TPH1: variants seen among roughly 807,000 people sequenced by gnomAD.
TPH1 encodes the protein tryptophan hydroxylase 1, also known as tryptophan 5-hydroxylase 1.
A neutral mutation model predicts 49.5 loss-of-function variants in TPH1; 37 were observed. The observed-to-expected ratio is 0.75, with a 90% CI of 0.58 to 0.98. The LOEUF is 0.98. TPH1 is among the 50% of genes least tolerant of loss of function. TPH1 has a pLI of 0.00. For synonymous variants in TPH1, 160 were observed against 182.1 expected, an observed-to-expected ratio of 0.88 and a Z score of 0.98; for missense variants, 487 against 523.6, an observed-to-expected ratio of 0.93 and a Z score of 0.68.
At chr11:18,037,235 G>A (rs936382905) in intron 2 of TPH1, among the ~76,000 whole-genome samples, 50 of 152,136 alleles carry the variant, frequency 3.3e-4, no homozygotes, top group African/African-American at 1.1e-3. Flanking sequence ...GCGCACACCA[G>A]TAGTCCCAGC....
intron 7 of TPH1, 42 bp from the exon 8 acceptor site, chr11:18,025,743 A>T (rs769629650): frequency 8.7e-6 from 14 of 1,611,800 alleles, no homozygotes; most frequent in Non-Finnish European, 1.2e-5. Context: ...AGTGCTTAAC[A>T]TACGTTTATA....
At position 18,021,030 on chromosome 11, in the gene TPH1, A is replaced by ATG. The variant is rs1370695188; in HGVS notation, c.1295_1296insCA (p.Asp433MetfsTer23). 1 of 1,614,086 alleles carries ATG rather than the reference A, an allele frequency of 6.2e-7. No homozygotes were observed. Among genetic ancestry groups the ATG allele is most frequent in the Non-Finnish European group, 8.5e-7 (1 of 1,179,980 alleles). On this transcript the variant is annotated frameshift_variant, in exon 11 of 11. Transcript: ENST00000682019. LOFTEE classifies it high-confidence loss of function. Reference sequence around the variant, plus strand: ...TCCTGCTGACCTTAGCAAGGGCATCACTGACAACATCGAGATCATGCTGCA... The same window carrying ATG: ...TCCTGCTGACCTTAGCAAGGGCATCATGCTGACAACATCGAGATCATGCTGCA...
In TPH1 at chr11:18,021,116, A is replaced by G. The variant is rs1854357067; in HGVS notation, c.1210T>C (p.Tyr404His). Reference sequence around the variant, plus strand: ...TTCAGGATCTGAATACTCCGTGTATATGGATTATACTTCACTCCAAATGGA... The same window carrying G: ...TTCAGGATCTGAATACTCCGTGTATGTGGATTATACTTCACTCCAAATGGA... ...KRPFGVKYNP[Y>H]TRSIQILKDT... Residue 404 changes from tyrosine (Y) to histidine (H), a missense_variant, in exon 11 of 11, where the codon TAT becomes CAT. Transcript: ENST00000682019. 2 of 1,613,902 alleles carry G rather than the reference A, an allele frequency of 1.2e-6. No homozygotes were observed. The highest frequency in any genetic ancestry group is 1.1e-5 in the South Asian group (1 of 91,068).
At position 18,036,041 on chromosome 11, in the gene TPH1, C is replaced by A. The variant is rs140658216; in HGVS notation, c.219G>T (p.Leu73Phe). Residue 73 changes from leucine to phenylalanine, a missense_variant, in exon 3 of 11, where the codon TTG (leucine) becomes TTT (phenylalanine). Coordinates refer to ENST00000682019, the MANE Select transcript of TPH1 (RefSeq NM_004179.3). ...ACTTCAGCAGATGAAAAATATCATT[C>A]AATTGTTCTCTGTTGATGTCACAGT... ...FVDCDINREQ[L>F]NDIFHLLKSH... 1.2e-6 allele frequency: 2 copies of A among 1,612,710 alleles called. No homozygotes were observed. Among genetic ancestry groups the A allele is most frequent in the African/African-American group, 2.7e-5 (2 of 74,878 alleles).
intron 8 of TPH1, 54 bp from the exon 9 acceptor site, chr11:18,024,037 A>G: frequency 7.2e-7 from 1 of 1,382,746 alleles, no homozygotes; most frequent in Non-Finnish European, 1.0e-6. Context: ...AACTTAAAAC[A>G]AATTACAATT....
At chr11:18,023,224 A>G in intron 9 of TPH1, 1 of 376,816 alleles carries the variant, frequency 2.7e-6, no homozygotes, top group South Asian at 2.5e-5. Flanking sequence ...TATGGCACCT[A>G]CTTTCTACCC....
At chr11:18,036,183 AAATGTT>A (rs1312355048) in intron 2 of TPH1, 41 bp from the exon 3 acceptor site, 2 of 1,485,824 alleles carry the variant, frequency 1.3e-6, no homozygotes, top group Non-Finnish European at 1.9e-6. Flanking sequence ...TAACTGCCTC[AAATGTT>A]AATAGTCTTT....
At position 18,017,788 on chromosome 11, in the gene TPH1, T is replaced by G. The variant is rs900100424; in HGVS notation, c.*3203A>C. On this transcript the variant is annotated 3_prime_UTR_variant, in exon 11 of 11. Coordinates refer to ENST00000682019, the MANE Select transcript of TPH1 (RefSeq NM_004179.3). ...AAAGCTAACAATAATTATTTACATT[T>G]TGGTGTGTCATTACTACTTGTATAA... 1 of 152,212 alleles carries G rather than the reference T, an allele frequency of 6.6e-6. No homozygotes were observed. Among genetic ancestry groups the G allele is most frequent in the Non-Finnish European group, 1.5e-5 (1 of 68,040 alleles). 9.4% of individuals were successfully genotyped at this position (152,212 alleles called of 1,614,324 possible). A position where few individuals can be genotyped will look rare whatever the true frequency, so the allele number is the denominator to read the frequency against.
At position 18,020,601 on chromosome 11, in the gene TPH1, A is replaced by G. The variant is rs993518731; in HGVS notation, c.*390T>C. On this transcript the variant is annotated 3_prime_UTR_variant, in exon 11 of 11. Transcript: ENST00000682019. ...GGTAACAATATGAGTCAGCGCCATA[A>G]TACTCCTCAAGTTATTCTAAGCGAT... 9.7e-6 allele frequency: 2 copies of G among 205,492 alleles called. No individual in the cohort carries two copies. The highest frequency in any genetic ancestry group is 2.3e-4 in the East Asian group (2 of 8,668). The allele number at this position is 205,492 out of a possible 1,614,324, so 12.7% of individuals were successfully genotyped here.
At chr11:18,025,469 G>T in intron 8 of TPH1, 106 bp downstream of exon 8, 2 of 1,535,814 alleles carry the variant, frequency 1.3e-6, no homozygotes. Context: ...CAACCTCCAA[G>T]CAAAGACAAA....
At position 18,026,393 on chromosome 11, in the gene TPH1, C is replaced by CAAA. The variant is rs57335932; in HGVS notation, c.803+94_803+96dup. 4.7e-3 allele frequency: 2,752 copies of CAAA among 587,382 alleles called. 54 individuals are homozygous for CAAA. Among genetic ancestry groups the CAAA allele is most frequent in the African/African-American group, 0.031 (894 of 28,802 alleles). The allele number at this position is 587,382 out of a possible 1,614,324, so 36.4% of individuals were successfully genotyped here. A position where few individuals can be genotyped will look rare whatever the true frequency, so the allele number is the denominator to read the frequency against. ...GCTAATTTATTTAATCCTCGCACAC[C>CAAA]AAAAAAAAAAAAAAAAAAAAAAAAG... On this transcript the variant is annotated intron_variant, in intron 7 of 10. Transcript: ENST00000682019.
At chr11:18,041,188 C>T (rs542685074) in intron 1 of TPH1, 20 of 169,214 alleles carry the variant, frequency 1.2e-4, no homozygotes, top group African/African-American at 3.6e-4. Flanking sequence ...ATGTTCTATT[C>T]GAACATATCT....
chr11:18,023,111 G>T (rs1490611228), intron 9 of TPH1, 180 bp from the exon 10 acceptor site: 4 of 620,326 alleles, frequency 6.4e-6, no homozygotes, highest in South Asian at 1.9e-5. Flanking sequence ...AAAATGGCTT[G>T]CCCTTCCCTG....
chr11:18,026,575 C>T lies in TPH1; in HGVS notation c.718G>A (p.Asp240Asn). ...RPVAGYLSPR[D>N]FLSGLAFRVF... ...CGAAAGGCTAAACCTGATAAGAAAT[C>T]TCTTGGTGATAAGTAACCAGCCACA... The change falls in exon 7 of 11, where the codon GAT (aspartate) becomes AAT (asparagine). Residue 240 changes from aspartate (D) to asparagine (N), a missense_variant. Transcript: ENST00000682019. 2 of 1,613,976 alleles carry T rather than the reference C, an allele frequency of 1.2e-6. No individual in the cohort carries two copies. Among genetic ancestry groups the T allele is most frequent in the South Asian group, 2.2e-5 (2 of 91,068 alleles).
At chr11:18,032,619 C>T (rs756138512) in intron 4 of TPH1, among the ~76,000 whole-genome samples, 99 of 140,776 alleles carry the variant, frequency 7.0e-4, no homozygotes, top group Middle Eastern at 4.1e-3. Context: ...GATCTCGGCT[C>T]ACTGCAAGCT....
chr11:18,036,269 GT>G, intron 2 of TPH1, 127 bp from the exon 3 acceptor site: 2 of 710,514 alleles, frequency 2.8e-6, no homozygotes, highest in Non-Finnish European at 4.7e-6. Flanking sequence ...GAAAAAGACT[GT>G]TTTTAGTGCT....
At position 18,041,603 on chromosome 11, in the gene TPH1, C is replaced by T. The variant is rs142868238; in HGVS notation, c.-26-815G>A. On this transcript the variant is annotated intron_variant, in intron 1 of 10. Coordinates refer to ENST00000682019, the MANE Select transcript of TPH1 (RefSeq NM_004179.3). ...GCGTGCTATTCTGAGATTTTCCTCA[C>T]GGAAGAAACTAGGATATTTCAGGTA... 1.5e-3 allele frequency among the ~76,000 whole-genome samples: 234 copies of T among 152,254 alleles called. 1 individual carries two copies. Among genetic ancestry groups the T allele is most frequent in the East Asian group, 0.014 (71 of 5,188 alleles).
chr11:18,029,625 T>C, intron 4 of TPH1, 46 bp from the exon 5 acceptor site: 4 of 1,465,128 alleles, frequency 2.7e-6, no homozygotes, highest in Non-Finnish European at 3.8e-6. Flanking sequence ...TAAAAAATAC[T>C]TGACAAATGA....
intron 3 of TPH1, among the ~76,000 whole-genome samples, chr11:18,033,855 T>C (rs1343066813): frequency 6.6e-6 from 1 of 152,232 alleles, no homozygotes; most frequent in Non-Finnish European, 1.5e-5. Context: ...TGGGGTTTTA[T>C]AAATGCTACT....
Sources: allele counts gnomAD v4.1 joint callset (sites outside exome capture counted in the v4.1 genomes callset), GRCh38; gene constraint gnomAD v4.1.1; transcripts MANE v1.5; gene names NCBI Gene and HGNC (gene_info 2026-07-23, HGNC 2026-07-21).